SGCZ: variants seen among roughly 807,000 people sequenced by gnomAD.
SGCZ encodes the protein zeta-sarcoglycan.
SGCZ carries 40 observed loss-of-function variants against 41.3 expected under a neutral mutation model. That is an observed-to-expected ratio of 0.97 (90% confidence interval 0.75 to 1.26). SGCZ has a LOEUF of 1.26. SGCZ is among the 50% of genes most tolerant of loss of function. The pLI is 0.00. For synonymous variants in SGCZ, 206 were observed against 137.5 expected (o/e 1.50, Z -3.49); for missense variants, 552 against 369.8 (o/e 1.49, Z -4.04).
chr8:14,855,476 C>A (rs997882336), intron 1 of SGCZ, among the ~76,000 whole-genome samples: 1 of 152,118 alleles, frequency 6.6e-6, no homozygotes, highest in African/African-American at 2.4e-5. Context: ...TCAACAGTGT[C>A]CATACTTGCA....
chr8:14,283,750 T>C (rs1412615038), intron 3 of SGCZ, among the ~76,000 whole-genome samples: 6 of 152,186 alleles, frequency 3.9e-5, no homozygotes, highest in Admixed American at 6.5e-5. Flanking sequence ...TTCTGGGCCA[T>C]ATGGTCTCTA....
At chr8:15,075,848 C>A (rs1428815828) in intron 1 of SGCZ, among the ~76,000 whole-genome samples, 1 of 151,602 alleles carries the variant, frequency 6.6e-6, no homozygotes. Context: ...GCTTGCCTAC[C>A]AATATTTTTC....
At chr8:14,987,570 T>C (rs575125184) in intron 1 of SGCZ, among the ~76,000 whole-genome samples, 4 of 152,080 alleles carry the variant, frequency 2.6e-5, no homozygotes, top group African/African-American at 9.6e-5. Flanking sequence ...TAACTTTTCT[T>C]ATTAGTATAC....
intron 1 of SGCZ, among the ~76,000 whole-genome samples, chr8:14,679,160 C>T (rs1442304147): frequency 6.6e-6 from 1 of 152,132 alleles, no homozygotes; most frequent in African/African-American, 2.4e-5. Context: ...TAATATATCA[C>T]ATACAATTAC....
intron 2 of SGCZ, among the ~76,000 whole-genome samples, chr8:14,412,746 C>G (rs67667816): frequency 0.32 from 48,109 of 151,720 alleles, 7,723 homozygotes; most frequent in Admixed American, 0.36. Context: ...TATTAAAAAG[C>G]TCACTAATAA....
intron 4 of SGCZ, among the ~76,000 whole-genome samples, chr8:14,228,411 CCTTTAA>C (rs1806448663): frequency 6.6e-6 from 1 of 152,016 alleles, no homozygotes; most frequent in African/African-American, 2.4e-5. Context: ...TTACTTTTAT[CCTTTAA>C]CTGGCTCTGT....
chr8:14,838,985 T>A (rs887232330), intron 1 of SGCZ, among the ~76,000 whole-genome samples: 1 of 152,044 alleles, frequency 6.6e-6, no homozygotes, highest in African/African-American at 2.4e-5. Flanking sequence ...CTTCAGGTGA[T>A]CTCCTCAGTA....
At chr8:14,113,181 G>A (rs766223625) in intron 5 of SGCZ, among the ~76,000 whole-genome samples, 3 of 151,930 alleles carry the variant, frequency 2.0e-5, no homozygotes, top group Non-Finnish European at 2.9e-5. Context: ...TTATTTTCCT[G>A]GACACTGCTT....
chr8:14,421,515 G>C (rs1799636221), intron 2 of SGCZ, among the ~76,000 whole-genome samples: 2 of 152,070 alleles, frequency 1.3e-5, no homozygotes, highest in Admixed American at 6.6e-5. Flanking sequence ...GTCCAAATTT[G>C]AAATTCCTGG....
chr8:14,400,739 T>G (rs1484165234), intron 2 of SGCZ, among the ~76,000 whole-genome samples: 1 of 147,000 alleles, frequency 6.8e-6, no homozygotes, highest in African/African-American at 2.6e-5. Flanking sequence ...AGTGCAAAGC[T>G]AAGACTTTGT....
Position 14,742,300 on chromosome 8 carries a change from C to T in SGCZ, c.40-187374G>A, listed in dbSNP as rs189385615. Among the ~76,000 whole-genome samples the T allele has an allele frequency of 3.7e-3, 565 of 152,142 alleles. 3 individuals are homozygous for T. The highest frequency in any genetic ancestry group is 7.8e-3 in the African/African-American group (325 of 41,530). On this transcript the variant is annotated intron_variant, in intron 1 of 7. Coordinates refer to ENST00000382080, the MANE Select transcript of SGCZ (RefSeq NM_139167.4). ...ATTAAAATACATAAGCACTTATGCA[C>T]GTGCACGCGCGCTCACACACACACA... is the stretch of plus-strand genomic sequence containing the variant.
chr8:14,957,512 T>C (rs1431882668), intron 1 of SGCZ, among the ~76,000 whole-genome samples: 1 of 152,046 alleles, frequency 6.6e-6, no homozygotes, highest in Non-Finnish European at 1.5e-5. Context: ...TTAATATACA[T>C]GTTTAGTATC....
chr8:14,881,415 AAGAT>A (rs1360628266), intron 1 of SGCZ, among the ~76,000 whole-genome samples: 1 of 152,152 alleles, frequency 6.6e-6, no homozygotes, highest in Non-Finnish European at 1.5e-5. Context: ...AGCAGATTCT[AAGAT>A]AGAATGTAAT....
chr8:14,934,990 C>G (rs1800038360), intron 1 of SGCZ, among the ~76,000 whole-genome samples: 1 of 135,414 alleles, frequency 7.4e-6, no homozygotes, highest in African/African-American at 2.8e-5. Flanking sequence ...CCACAATAAA[C>G]AGCTTTTAAA....
chr8:14,815,407 T>A (rs193038376), intron 1 of SGCZ, among the ~76,000 whole-genome samples: 1 of 151,766 alleles, frequency 6.6e-6, no homozygotes, highest in Admixed American at 6.6e-5. Context: ...ATGTGGTTCA[T>A]AACTACTTAC....
intron 2 of SGCZ, among the ~76,000 whole-genome samples, chr8:14,498,392 T>C (rs562808732): frequency 1.3e-5 from 2 of 152,282 alleles, no homozygotes; most frequent in Admixed American, 1.3e-4. Flanking sequence ...TTGGTTGATA[T>C]ACCCTTTTTA....
At chr8:14,766,611 GAGTGC>G (rs1361048246) in intron 1 of SGCZ, among the ~76,000 whole-genome samples, 8 of 151,762 alleles carry the variant, frequency 5.3e-5, no homozygotes, top group African/African-American at 1.9e-4. Flanking sequence ...ACCCAGGCTG[GAGTGC>G]AGTACTGCGA....
At chr8:14,946,034 A>ATC (rs1456810037) in intron 1 of SGCZ, among the ~76,000 whole-genome samples, 1 of 110,116 alleles carries the variant, frequency 9.1e-6, no homozygotes, top group Non-Finnish European at 1.9e-5. Flanking sequence ...ATATATATAT[A>ATC]TATATATATA....
intron 1 of SGCZ, among the ~76,000 whole-genome samples, chr8:14,686,080 G>A (rs1808601295): frequency 6.6e-6 from 1 of 152,092 alleles, no homozygotes; most frequent in Admixed American, 6.6e-5. Context: ...GGAAGACTTT[G>A]CTCTCAAGAC....
Sources: allele counts gnomAD v4.1 joint callset (sites outside exome capture counted in the v4.1 genomes callset), GRCh38; gene constraint gnomAD v4.1.1; transcripts MANE v1.5; gene names NCBI Gene and HGNC (gene_info 2026-07-23, HGNC 2026-07-21).